The following CCDC57 variants were observed in gnomAD, a reference collection of about 807,000 sequenced individuals.
CCDC57 encodes the protein coiled-coil domain containing 57.
CCDC57 carries 118 observed loss-of-function variants against 118.9 expected under a neutral mutation model. The observed-to-expected ratio is 0.99, with a 90% confidence interval of 0.86 to 1.16. The LOEUF (loss-of-function observed/expected upper bound fraction) is 1.16. Ranked by LOEUF, CCDC57 falls within the 50% of genes most tolerant of loss-of-function variation. CCDC57 has a pLI of 0.00. For missense variants in CCDC57, 1,300 were observed against 1,320.7 expected (o/e 0.98, Z 0.24); for synonymous variants, 527 against 532.9 (o/e 0.99, Z 0.15).
intron 19 of CCDC57, among the ~76,000 whole-genome samples, chr17:82,103,578 G>T (rs2144851284): frequency 6.6e-6 from 1 of 152,364 alleles, no homozygotes; most frequent in South Asian, 2.1e-4. Context: ...GCTCCACTGT[G>T]ACCCTGAGGC....
At chr17:82,210,250 T>C (rs2050073640) in intron 1 of CCDC57, among the ~76,000 whole-genome samples, 1 of 151,292 alleles carries the variant, frequency 6.6e-6, no homozygotes, top group Non-Finnish European at 1.5e-5. Flanking sequence ...GGTTCTTTCT[T>C]ATAGGAAAAT....
exon 19 of CCDC57, chr17:82,127,806 G>A (rs745693145): frequency 1.2e-5 from 19 of 1,612,804 alleles, no homozygotes; most frequent in Middle Eastern, 1.6e-4. Context: ...TGGGATTGGC[G>A]ACCATGCTCC....
exon 7 of CCDC57, chr17:82,193,817 C>G: frequency 6.3e-7 from 1 of 1,597,412 alleles, no homozygotes; most frequent in Non-Finnish European, 8.5e-7. Context: ...AGTTTATCCT[C>G]TAAATCCTTT....
chr17:82,122,157 C>A (rs919987435), intron 19 of CCDC57, among the ~76,000 whole-genome samples: 1 of 152,218 alleles, frequency 6.6e-6, no homozygotes, highest in African/African-American at 2.4e-5. Context: ...CCTCCTACAC[C>A]GCTCCTTCCT....
At chr17:82,152,977 C>A (rs2042240736) in intron 15 of CCDC57, among the ~76,000 whole-genome samples, 1 of 152,228 alleles carries the variant, frequency 6.6e-6, no homozygotes, top group Non-Finnish European at 1.5e-5. Context: ...GTGCCGCAGG[C>A]CCCAGCTGAG....
intron 16 of CCDC57, 196 bp from the exon 16 acceptor site, chr17:82,134,390 C>T (rs934187938): frequency 2.4e-6 from 1 of 423,168 alleles, no homozygotes; most frequent in Non-Finnish European, 4.0e-6. Flanking sequence ...CTTGCACACA[C>T]AATGCCACGC....
chr17:82,108,924 G>A (rs2035057395), intron 19 of CCDC57: 1 of 152,272 alleles, frequency 6.6e-6, no homozygotes, highest in African/African-American at 2.4e-5. Flanking sequence ...TCTTTAAGCT[G>A]CGACTGCTTC....
At chr17:82,145,761 G>T in intron 16 of CCDC57, 1 of 457,752 alleles carries the variant, frequency 2.2e-6, no homozygotes, top group East Asian at 7.9e-5. Context: ...CCCCTGAGTG[G>T]GGCTGTTCTC....
intron 7 of CCDC57, among the ~76,000 whole-genome samples, chr17:82,191,512 T>C (rs542984191): frequency 6.6e-6 from 1 of 152,156 alleles, no homozygotes; most frequent in South Asian, 2.1e-4. Flanking sequence ...ACACCAAGGG[T>C]ACCTGCCTCT....
chr17:82,152,687 G>A (rs528443802), intron 15 of CCDC57, among the ~76,000 whole-genome samples: 33 of 152,374 alleles, frequency 2.2e-4, no homozygotes, highest in Admixed American at 6.5e-4. Context: ...GCCCCTGTAA[G>A]GAGCCAGGCT....
At chr17:82,111,563 G>A (rs1005753871) in intron 19 of CCDC57, among the ~76,000 whole-genome samples, 1 of 151,940 alleles carries the variant, frequency 6.6e-6, no homozygotes, top group African/African-American at 2.4e-5. Context: ...TTTAAAGCAT[G>A]TTGGGCCTTG....
intron 3 of CCDC57, among the ~76,000 whole-genome samples, chr17:82,200,393 C>T (rs1285039622): frequency 2.0e-5 from 3 of 152,172 alleles, no homozygotes; most frequent in Non-Finnish European, 4.4e-5. Flanking sequence ...TTGCCCGTGG[C>T]GGCTTTCACT....
chr17:82,171,551 G>A, intron 13 of CCDC57, 150 bp downstream of exon 12: 3 of 747,154 alleles, frequency 4.0e-6, no homozygotes, highest in Non-Finnish European at 6.4e-6. Flanking sequence ...GTGGGCTCTG[G>A]AGGGAGCACA....
At position 82,167,912 on chromosome 17, in the gene CCDC57, G is replaced by A. The variant is rs117975387; in HGVS notation, c.1882+3789C>T. Among the ~76,000 whole-genome samples the A allele has an allele frequency of 1.4e-4, 21 of 152,324 alleles. No homozygotes were observed. In the East Asian group the frequency reaches 3.3e-3, roughly 24 times the overall value. On this transcript the variant is annotated intron_variant, in intron 13 of 19. Transcript: ENST00000665763. Reference sequence around the variant, plus strand: ...ATGACAGGCATGAGCCACGGCGCCCGGCCTGTCAACGTAATTTTAAGAGTT... The same window carrying A: ...ATGACAGGCATGAGCCACGGCGCCCAGCCTGTCAACGTAATTTTAAGAGTT...
At chr17:82,157,983 G>A (rs1242047405) in intron 14 of CCDC57, 35 bp from the exon 14 acceptor site, 1 of 1,537,814 alleles carries the variant, frequency 6.5e-7, no homozygotes, top group Non-Finnish European at 8.8e-7. Flanking sequence ...TGAGGAATGA[G>A]GCAGTGGCTG....
intron 2 of CCDC57, among the ~76,000 whole-genome samples, chr17:82,205,402 T>C (rs1158293872): frequency 3.3e-5 from 5 of 152,182 alleles, no homozygotes; most frequent in African/African-American, 4.8e-5. Context: ...CAATCTTATC[T>C]GGCCTCAAAT....
chr17:82,123,029 CA>C (rs1437444070), intron 19 of CCDC57, among the ~76,000 whole-genome samples: 1 of 151,722 alleles, frequency 6.6e-6, no homozygotes, highest in East Asian at 1.9e-4. Flanking sequence ...CTTCACCTTG[CA>C]AAAAAGCAGG....
chr17:82,171,630 G>A (rs191931474), intron 13 of CCDC57, 71 bp downstream of exon 12: 21 of 1,518,542 alleles, frequency 1.4e-5, no homozygotes, highest in Middle Eastern at 4.1e-4. Flanking sequence ...TTTGCTATGA[G>A]CGGACTTTTG....
intron 1 of CCDC57, among the ~76,000 whole-genome samples, chr17:82,208,201 C>T (rs1272435776): frequency 1.3e-5 from 2 of 151,754 alleles, no homozygotes; most frequent in Non-Finnish European, 2.9e-5. Context: ...AGCCACTGCG[C>T]CCAGCCCAAA....
Sources: allele counts gnomAD v4.1 joint callset (sites outside exome capture counted in the v4.1 genomes callset), GRCh38; gene constraint gnomAD v4.1.1; transcripts MANE v1.5; gene names NCBI Gene and HGNC (gene_info 2026-07-23, HGNC 2026-07-21).